PRMT3: variants seen among roughly 807,000 people sequenced by gnomAD.
PRMT3 encodes protein arginine methyltransferase 3.
PRMT3 carries 62 observed loss-of-function variants against 71.9 expected under a neutral mutation model. The observed-to-expected ratio is 0.86, with a 90% confidence interval of 0.70 to 1.07. The LOEUF (loss-of-function observed/expected upper bound fraction) is 1.07, where lower values mean the gene tolerates loss of function less well. Ranked by LOEUF, PRMT3 falls within the 50% of genes least tolerant of loss-of-function variation. PRMT3 has a pLI of 0.00. For synonymous variants in PRMT3, 213 were observed against 220.4 expected (o/e 0.97, Z 0.30); for missense variants, 663 against 643.0 (o/e 1.03, Z -0.34).
At chr11:20,454,812 A>G (rs548046898) in intron 11 of PRMT3, among the ~76,000 whole-genome samples, 3 of 152,082 alleles carry the variant, frequency 2.0e-5, no homozygotes, top group Non-Finnish European at 4.4e-5. Context: ...TGGGACCACA[A>G]TTTATTTTTA....
chr11:20,454,733 T>TA (rs1217217895), intron 11 of PRMT3, among the ~76,000 whole-genome samples: 1 of 152,070 alleles, frequency 6.6e-6, no homozygotes, highest in East Asian at 1.9e-4. Context: ...TAATTAGTAG[T>TA]AAAAAGGTGA....
At chr11:20,391,997 G>A (rs564214204) in intron 3 of PRMT3, among the ~76,000 whole-genome samples, 4 of 152,282 alleles carry the variant, frequency 2.6e-5, no homozygotes, top group East Asian at 1.9e-4. Flanking sequence ...AGAAATACTA[G>A]AAAAGCTTTA....
At chr11:20,389,210 AGAG>A (rs1255149131) in intron 2 of PRMT3, among the ~76,000 whole-genome samples, 1 of 152,238 alleles carries the variant, frequency 6.6e-6, no homozygotes, top group Non-Finnish European at 1.5e-5. Context: ...CACATAATAA[AGAG>A]GATTGATCCT....
chr11:20,485,511 C>T (rs968491728), intron 13 of PRMT3, among the ~76,000 whole-genome samples: 5 of 151,976 alleles, frequency 3.3e-5, no homozygotes, highest in South Asian at 2.1e-4. Flanking sequence ...TTTTAAAATA[C>T]GGTTTGGAAA....
intron 15 of PRMT3, 81 bp from the exon 16 acceptor site, chr11:20,508,221 AAG>A (rs1339725537): frequency 5.8e-5 from 38 of 656,526 alleles, no homozygotes; most frequent in Non-Finnish European, 9.5e-5. Context: ...TCACAATAAA[AAG>A]AAGTGCTAGT....
Position 20,464,847 on chromosome 11 carries a change from A to G in PRMT3, c.1347+301A>G, listed in dbSNP as rs139136341. On this transcript the variant is annotated intron_variant, in intron 13 of 15. Coordinates refer to ENST00000331079, the MANE Select transcript of PRMT3 (RefSeq NM_005788.4). ...CACTCAACTTTATCTTCAAAGACCA[A>G]AGTTCATACCCTATTCCTCCCTTTA... Among the ~76,000 whole-genome samples, 1,456 of 152,268 alleles carry G rather than the reference A, an allele frequency of 9.6e-3. 30 individuals are homozygous for G. The highest frequency in any genetic ancestry group is 0.034 in the African/African-American group (1,405 of 41,548).
At chr11:20,478,238 T>C (rs2044217) in intron 13 of PRMT3, among the ~76,000 whole-genome samples, 3,303 of 152,294 alleles carry the variant, frequency 0.022, 123 homozygotes, top group African/African-American at 0.074. Context: ...TGAGGGTCTT[T>C]TGCAACCTTC....
chr11:20,429,914 C>G (rs1849620504), intron 10 of PRMT3, among the ~76,000 whole-genome samples: 1 of 152,084 alleles, frequency 6.6e-6, no homozygotes, highest in Non-Finnish European at 1.5e-5. Context: ...CTTCTAAATC[C>G]TAGAAGTCCC....
At chr11:20,439,834 T>A (rs1000994095) in intron 10 of PRMT3, among the ~76,000 whole-genome samples, 6 of 152,184 alleles carry the variant, frequency 3.9e-5, no homozygotes, top group African/African-American at 1.4e-4. Context: ...TGTATACTCT[T>A]ATGAGAATAA....
intron 13 of PRMT3, among the ~76,000 whole-genome samples, chr11:20,492,674 G>A (rs928766465): frequency 3.3e-5 from 5 of 152,192 alleles, no homozygotes; most frequent in Admixed American, 1.3e-4. Flanking sequence ...AGTCCAGCTA[G>A]TTCCAATAGT....
chr11:20,485,947 G>A (rs1372900754), intron 13 of PRMT3, among the ~76,000 whole-genome samples: 1 of 152,156 alleles, frequency 6.6e-6, no homozygotes, highest in Admixed American at 6.5e-5. Flanking sequence ...GCTAAGAAAT[G>A]GAAGTAATTC....
At chr11:20,409,710 A>G (rs1348382906) in intron 9 of PRMT3, among the ~76,000 whole-genome samples, 4 of 150,078 alleles carry the variant, frequency 2.7e-5, no homozygotes, top group African/African-American at 9.8e-5. Context: ...TTGCAATTAT[A>G]GAATTACACA....
intron 10 of PRMT3, among the ~76,000 whole-genome samples, chr11:20,432,973 T>C (rs1364474638): frequency 6.6e-6 from 1 of 152,190 alleles, no homozygotes; most frequent in Admixed American, 6.5e-5. Context: ...TTTGCAAATA[T>C]TTTCTCCCAT....
At chr11:20,426,256 A>G (rs1021528753) in intron 9 of PRMT3, among the ~76,000 whole-genome samples, 2 of 152,196 alleles carry the variant, frequency 1.3e-5, no homozygotes, top group African/African-American at 4.8e-5. Flanking sequence ...TGACGTAAAT[A>G]GGGTCGGTAT....
At chr11:20,434,739 A>G (rs1373844829) in intron 10 of PRMT3, among the ~76,000 whole-genome samples, 4 of 151,908 alleles carry the variant, frequency 2.6e-5, no homozygotes, top group Non-Finnish European at 5.9e-5. Context: ...CCATTGGTCT[A>G]TGTGTCTGTT....
At chr11:20,452,291 A>G in intron 11 of PRMT3, 83 bp downstream of exon 11, 1 of 1,094,710 alleles carries the variant, frequency 9.1e-7, no homozygotes, top group Non-Finnish European at 1.4e-6. Context: ...TAAACTATGC[A>G]TGGCTGAGGA....
intron 15 of PRMT3, among the ~76,000 whole-genome samples, chr11:20,497,900 A>G (rs956890841): frequency 1.3e-5 from 2 of 152,250 alleles, no homozygotes; most frequent in Admixed American, 6.5e-5. Flanking sequence ...AAATGGATAC[A>G]TTCAACCAAA....
chr11:20,422,012 G>C (rs565171839), intron 9 of PRMT3, among the ~76,000 whole-genome samples: 14 of 152,248 alleles, frequency 9.2e-5, no homozygotes, highest in Admixed American at 3.3e-4. Context: ...TATATGTGGG[G>C]AAGAGAGTAT....
intron 15 of PRMT3, among the ~76,000 whole-genome samples, chr11:20,504,394 G>GTGT (rs1281615782): frequency 9.3e-4 from 141 of 152,180 alleles, no homozygotes; most frequent in African/African-American, 3.3e-3. Flanking sequence ...TTATAAGATT[G>GTGT]AAAAAGAACA....
Sources: gnomAD v4.1 joint callset for allele counts (sites outside exome capture counted in the v4.1 genomes callset) on GRCh38, gnomAD v4.1.1 for gene constraint, MANE v1.5 for transcripts, NCBI Gene and HGNC (gene_info 2026-07-23, HGNC 2026-07-21) for gene names.